B3GAT2: variants seen among roughly 807,000 people sequenced by gnomAD.
B3GAT2 encodes beta-1,3-glucuronyltransferase 2.
In B3GAT2, 26 loss-of-function variants were observed where a neutral mutation model predicts 27.8. The ratio of observed to expected loss-of-function variants is 0.93; its 90% confidence interval spans 0.68 to 1.30. The LOEUF (loss-of-function observed/expected upper bound fraction) is 1.30, where lower values mean the gene tolerates loss of function less well. Among genes scored for constraint, B3GAT2 ranks in the 50% most tolerant of loss-of-function variants. B3GAT2 has a pLI of 0.00. For missense variants in B3GAT2, 458 were observed against 459.0 expected (o/e 1.00, Z 0.02); for synonymous variants, 218 against 195.1 (o/e 1.12, Z -0.98).
At chr6:70,884,462 G>T (rs185255171) in intron 2 of B3GAT2, among the ~76,000 whole-genome samples, 3 of 152,256 alleles carry the variant, frequency 2.0e-5, no homozygotes, top group Admixed American at 2.0e-4. Flanking sequence ...GACTGTGCCC[G>T]GCCTGGAGAT....
At chr6:70,929,109 G>A (rs1773016274) in intron 1 of B3GAT2, among the ~76,000 whole-genome samples, 1 of 150,632 alleles carries the variant, frequency 6.6e-6, no homozygotes, top group Non-Finnish European at 1.5e-5. Context: ...CTATCGCAAG[G>A]ACAAAAAACC....
At chr6:70,862,035 T>C in intron 2 of B3GAT2, 57 bp from the exon 3 acceptor site, 1 of 1,492,978 alleles carries the variant, frequency 6.7e-7, no homozygotes, top group Non-Finnish European at 8.9e-7. Flanking sequence ...ACTTCTCTTT[T>C]TTTCTGTATA....
intron 2 of B3GAT2, among the ~76,000 whole-genome samples, chr6:70,876,180 C>T (rs1772010875): frequency 6.6e-6 from 1 of 152,146 alleles, no homozygotes; most frequent in Non-Finnish European, 1.5e-5. Context: ...CAAACTAAGC[C>T]ACTCTAGTCC....
intron 2 of B3GAT2, among the ~76,000 whole-genome samples, chr6:70,862,288 A>C (rs1771768971): frequency 6.6e-6 from 1 of 152,182 alleles, no homozygotes; most frequent in African/African-American, 2.4e-5. Context: ...TCAACCCCCC[A>C]CATTTGCCAC....
rs1771586365 is a variant in B3GAT2, at chr6:70,859,252, A to G, written c.*2411T>C. On this transcript the variant is annotated 3_prime_UTR_variant, in exon 4 of 4. Transcript: ENST00000230053. ...GTGCTAAGTGTCAGTCACATGGTCA[A>G]CATGCTGAAGCACACCCAGCTCAGG... is the stretch of plus-strand genomic sequence containing the variant. 4.0e-6 allele frequency: 4 copies of G among 1,011,708 alleles called. No homozygotes were observed. Among genetic ancestry groups the G allele is most frequent in the Non-Finnish European group, 5.8e-6 (4 of 694,456 alleles). The allele number at this position is 1,011,708 out of a possible 1,614,324, so 62.7% of individuals were successfully genotyped here.
At chr6:70,938,911 A>C (rs1396673593) in intron 1 of B3GAT2, among the ~76,000 whole-genome samples, 1 of 151,778 alleles carries the variant, frequency 6.6e-6, no homozygotes, top group Admixed American at 6.6e-5. Flanking sequence ...GATCTAATTA[A>C]ACTAAAGAGC....
chr6:70,879,189 TTTGTTG>T (rs35729327), intron 2 of B3GAT2, among the ~76,000 whole-genome samples: 1 of 151,748 alleles, frequency 6.6e-6, no homozygotes, highest in Non-Finnish European at 1.5e-5. Context: ...TGACTTTGTT[TTTGTTG>T]TTGTTGTTGT....
intron 2 of B3GAT2, among the ~76,000 whole-genome samples, chr6:70,868,809 G>A (rs1771891994): frequency 6.6e-6 from 1 of 152,080 alleles, no homozygotes; most frequent in Admixed American, 6.6e-5. Context: ...ACTTGCTGGA[G>A]AAAGAAAGAT....
At chr6:70,934,500 G>T (rs1259658684) in intron 1 of B3GAT2, among the ~76,000 whole-genome samples, 2 of 151,992 alleles carry the variant, frequency 1.3e-5, no homozygotes, top group African/African-American at 4.8e-5. Flanking sequence ...CAGAAATATT[G>T]CTATCTTTAT....
chr6:70,905,511 A>G (rs1772586290), intron 1 of B3GAT2, among the ~76,000 whole-genome samples: 1 of 152,254 alleles, frequency 6.6e-6, no homozygotes, highest in Admixed American at 6.5e-5. Context: ...AGCATGTCTA[A>G]TGTACTCCGA....
chr6:70,946,361 G>A (rs1352649629), intron 1 of B3GAT2, among the ~76,000 whole-genome samples: 1 of 151,936 alleles, frequency 6.6e-6, no homozygotes, highest in East Asian at 1.9e-4. Flanking sequence ...ACACACATAG[G>A]CTCAAAATAA....
rs1771603097 is a variant in B3GAT2, at chr6:70,859,472, T to G, written c.*2191A>C. On this transcript the variant is annotated 3_prime_UTR_variant, in exon 4 of 4. Coordinates refer to ENST00000230053, the MANE Select transcript of B3GAT2 (RefSeq NM_080742.3). The stretch of plus-strand genomic sequence containing the variant: ...CTTATGCCTGATTAGTGATGTAGTT[T>G]ATGTTAGTGTCTTTGAAACTGTAAA... 1 of 1,121,348 alleles carries G rather than the reference T, an allele frequency of 8.9e-7. No homozygotes were observed. The highest frequency in any genetic ancestry group is 1.6e-5 in the African/African-American group (1 of 64,348). The allele number at this position is 1,121,348 out of a possible 1,614,324, so 69.5% of individuals were successfully genotyped here.
At position 70,894,243 on chromosome 6, in the gene B3GAT2, C is replaced by A. The variant is rs943853919; in HGVS notation, c.621G>T (p.Trp207Cys). ...GCCGCCCACCAACCAGGCCCACAGG[C>A]CAGACGGAGACCTTGCGGGTGGTTC... is the stretch of plus-strand genomic sequence containing the variant. The part of the protein sequence containing the change: ...EMRTTRKVSV[W>C]PVGLVGGRRY... The change falls in exon 2 of 4, where the codon TGG (tryptophan) becomes TGT (cysteine). Residue 207 changes from tryptophan to cysteine, a missense_variant. Physicochemically the swap from Trp to Cys is radical, Grantham distance 215. Transcript: ENST00000230053. 6.2e-7 allele frequency: 1 copy of A among 1,609,250 alleles called. No individual in the cohort carries two copies. Among genetic ancestry groups the A allele is most frequent in the South Asian group, 1.1e-5 (1 of 90,476 alleles).
chr6:70,882,373 T>C (rs1484452274), intron 2 of B3GAT2, among the ~76,000 whole-genome samples: 6 of 152,032 alleles, frequency 3.9e-5, no homozygotes, highest in African/African-American at 9.6e-5. Context: ...TGGTGGCGGG[T>C]GCCTGTAGTC....
rs551878883 is a variant in B3GAT2, at chr6:70,938,711, C to G, written c.591+17128G>C. Reference sequence around the variant, plus strand: ...AAACTGGCTAGCCATATGTAGAAAGCTGAAACTGGATCCCTTCCTTACACC... The same window carrying G: ...AAACTGGCTAGCCATATGTAGAAAGGTGAAACTGGATCCCTTCCTTACACC... On this transcript the variant is annotated intron_variant, in intron 1 of 3. Coordinates refer to ENST00000230053, the MANE Select transcript of B3GAT2 (RefSeq NM_080742.3). 9.9e-5 allele frequency among the ~76,000 whole-genome samples: 15 copies of G among 152,110 alleles called. No homozygotes were observed. In the South Asian group the frequency reaches 2.9e-3, roughly 30 times the overall value.
At chr6:70,948,220 G>T (rs955426355) in intron 1 of B3GAT2, among the ~76,000 whole-genome samples, 3 of 146,554 alleles carry the variant, frequency 2.0e-5, no homozygotes, top group Non-Finnish European at 4.5e-5. Context: ...AGTGTTGGAA[G>T]TTCTGGCCAG....
rs774299829 is a variant in B3GAT2, at chr6:70,864,647, G to T, written c.737-2669C>A. 4.6e-4 allele frequency among the ~76,000 whole-genome samples: 70 copies of T among 152,180 alleles called. 1 individual carries two copies. Among genetic ancestry groups the T allele is most frequent in the South Asian group, 6.2e-4 (3 of 4,834 alleles). The stretch of plus-strand genomic sequence containing the variant: ...AAAGGAAGCAGGTCACAGCTGGCAG[G>T]AGAGACTGCATGTTAACTAGGTCAA... On this transcript the variant is annotated intron_variant, in intron 2 of 3. Coordinates refer to ENST00000230053, the MANE Select transcript of B3GAT2 (RefSeq NM_080742.3).
At chr6:70,876,131 C>G (rs1772010195) in intron 2 of B3GAT2, among the ~76,000 whole-genome samples, 1 of 152,164 alleles carries the variant, frequency 6.6e-6, no homozygotes, top group Non-Finnish European at 1.5e-5. Context: ...ACATGCTTGA[C>G]ATGGCCTGGG....
At chr6:70,926,320 T>G (rs150975929) in intron 1 of B3GAT2, among the ~76,000 whole-genome samples, 1 of 152,322 alleles carries the variant, frequency 6.6e-6, no homozygotes, top group East Asian at 1.9e-4. Flanking sequence ...GGATGGAGAA[T>G]GACTTTAATG....
Sources: gnomAD v4.1 joint callset for allele counts (sites outside exome capture counted in the v4.1 genomes callset) on GRCh38, gnomAD v4.1.1 for gene constraint, MANE v1.5 for transcripts, NCBI Gene and HGNC (gene_info 2026-07-23, HGNC 2026-07-21) for gene names.